Variants in OPTC observed in about 807,000 individuals in gnomAD.
OPTC encodes the protein opticin, also known as oculoglycan.
OPTC carries 22 observed loss-of-function variants against 25.4 expected under a neutral mutation model. The ratio of observed to expected loss-of-function variants is 0.87; its 90% CI spans 0.62 to 1.24. The LOEUF (loss-of-function observed/expected upper bound fraction) is 1.24. Ranked by LOEUF, OPTC falls within the 50% of genes most tolerant of loss-of-function variation. The probability of loss-of-function intolerance (pLI) is 0.00; values close to 1 mark genes in which losing one functional copy is unlikely to be tolerated. For missense variants in OPTC, 417 were observed against 425.2 expected (o/e 0.98, Z 0.17); for synonymous variants, 169 against 179.3 (o/e 0.94, Z 0.46).
intron 7 of OPTC, among the ~76,000 whole-genome samples, chr1:203,504,358 A>G (rs991992328): frequency 6.6e-6 from 1 of 151,986 alleles, no homozygotes; most frequent in Admixed American, 6.6e-5. Flanking sequence ...TGTATGGGGG[A>G]AACTCTAGAT....
At position 203,501,402 on chromosome 1, in the gene OPTC, AG is replaced by A. The variant is rs565088478; in HGVS notation, c.733-1511del. On this transcript the variant is annotated intron_variant, in intron 5 of 7. Coordinates refer to ENST00000367222, the MANE Select transcript of OPTC (RefSeq NM_014359.4). ...AAGCATGAGCCACTGTGCCTGTCCA[AG>A]AGAGACTATTTGATTGGTCATTGGC... 7.2e-5 allele frequency among the ~76,000 whole-genome samples: 11 copies of A among 152,264 alleles called. No homozygotes were observed. The East Asian group carries it at 2.1e-3, about 29-fold the overall frequency.
chr1:203,508,077 T>C (rs1661525400), intron 7 of OPTC, among the ~76,000 whole-genome samples: 1 of 152,224 alleles, frequency 6.6e-6, no homozygotes, highest in African/African-American at 2.4e-5. Flanking sequence ...GGCTAAGTAC[T>C]TTGTCCCAGA....
chr1:203,498,942 T>C (rs1661323463), intron 4 of OPTC, 103 bp downstream of exon 4: 2 of 1,320,364 alleles, frequency 1.5e-6, no homozygotes, highest in South Asian at 2.4e-5. Flanking sequence ...GTGTTAGCTC[T>C]TTCCTGTTGG....
chr1:203,503,747 T>TA lies in OPTC; in HGVS notation c.*25+4dup. ...TCGGAGCCCTTCCACTCCTCCCAGG[T>TA]AAGAACCCTCCAAGGACCATGCAGG... On this transcript the variant is annotated splice_region_variant and intron_variant, in intron 7 of 7. Transcript: ENST00000367222. The TA allele has an allele frequency of 6.3e-7, 1 of 1,598,286 alleles. No individual in the cohort carries two copies. The highest frequency in any genetic ancestry group is 8.5e-7 in the Non-Finnish European group (1 of 1,179,538).
Position 203,496,103 on chromosome 1 carries a change from A to G in OPTC, c.98A>G (p.Gln33Arg). The change falls in exon 2 of 8, where the codon CAG becomes CGG. Residue 33 changes from glutamine (Q) to arginine (R), a missense_variant. Gln to Arg is a conservative substitution (Grantham distance 43, BLOSUM62 1). Coordinates refer to ENST00000367222, the MANE Select transcript of OPTC (RefSeq NM_014359.4). ...PRKERKRREE[Q>R]MPREGDSFEV... ...AAGGAGAGGAAGAGGAGAGAGGAGCAGATGCCCAGGGAAGGCGATTCCTTT... is the reference window on the plus strand; with the variant it reads ...AAGGAGAGGAAGAGGAGAGAGGAGCGGATGCCCAGGGAAGGCGATTCCTTT... 1 of 1,614,130 alleles carries G rather than the reference A, an allele frequency of 6.2e-7. No individual in the cohort carries two copies. Among genetic ancestry groups the G allele is most frequent in the South Asian group, 1.1e-5 (1 of 91,076 alleles).
At position 203,499,952 on chromosome 1, in the gene OPTC, C is replaced by A. The variant is rs563792806; in HGVS notation, c.732+101C>A. The A allele has an allele frequency of 3.2e-6, 3 of 939,200 alleles. No homozygotes were observed. In the African/African-American group the frequency reaches 5.0e-5, roughly 16 times the overall value. 58.2% of individuals were successfully genotyped at this position (939,200 alleles called of 1,614,324 possible). A position where few individuals can be genotyped will look rare whatever the true frequency, so the allele number is the denominator to read the frequency against. On this transcript the variant is annotated intron_variant, in intron 5 of 7. Transcript: ENST00000367222. Reference sequence around the variant, plus strand: ...CTCCACCACTCACCTCCACCACCACCCACCTCCACCTCTACCACCCACCTC... The same window carrying A: ...CTCCACCACTCACCTCCACCACCACACACCTCCACCTCTACCACCCACCTC...
intron 2 of OPTC, 90 bp from the exon 3 acceptor site, chr1:203,496,887 T>G: frequency 3.6e-6 from 5 of 1,388,780 alleles, no homozygotes; most frequent in South Asian, 1.2e-5. Flanking sequence ...TTTGCTGGTT[T>G]GAAATCCATC....
At position 203,503,185 on chromosome 1, in the gene OPTC, C is replaced by T. The variant is rs996680956; in HGVS notation, c.828+176C>T. Among the ~76,000 whole-genome samples the T allele has an allele frequency of 2.0e-5, 3 of 152,162 alleles. No individual in the cohort carries two copies. In the East Asian group the frequency reaches 5.8e-4, roughly 29 times the overall value. ...GTCTTGTCTAAATAGTTGTCCATGACCCCAGTTTGATTTTCTCCATTTTTT... is the reference window on the plus strand; with the variant it reads ...GTCTTGTCTAAATAGTTGTCCATGATCCCAGTTTGATTTTCTCCATTTTTT... On this transcript the variant is annotated intron_variant, in intron 6 of 7. Coordinates refer to ENST00000367222, the MANE Select transcript of OPTC (RefSeq NM_014359.4).
At position 203,503,741 on chromosome 1, in the gene OPTC, C is replaced by G; in HGVS notation, c.*21C>G. 1 of 1,600,660 alleles carries G rather than the reference C, an allele frequency of 6.2e-7. No homozygotes were observed. The highest frequency in any genetic ancestry group is 2.2e-5 in the East Asian group (1 of 44,876). On this transcript the variant is annotated 3_prime_UTR_variant, in exon 7 of 8. Coordinates refer to ENST00000367222, the MANE Select transcript of OPTC (RefSeq NM_014359.4). ...CGTAGCTCGGAGCCCTTCCACTCCT[C>G]CCAGGTAAGAACCCTCCAAGGACCA...
Position 203,496,035 on chromosome 1 carries a change from G to T in OPTC, c.30G>T (p.Leu10=). 6.2e-7 allele frequency: 1 copy of T among 1,613,662 alleles called. No homozygotes were observed. Among genetic ancestry groups the T allele is most frequent in the Non-Finnish European group, 8.5e-7 (1 of 1,179,842 alleles). The change falls in exon 2 of 8, where the codon CTG becomes CTT. Residue 10 remains leucine (L), a synonymous_variant. Coordinates refer to ENST00000367222, the MANE Select transcript of OPTC (RefSeq NM_014359.4). ...GGCTCCTGGCTTTCCTGAGTCTGCT[G>T]GCCTTGGTGCTGCAGGAGACAGGGA... MRLLAFLSL[L]ALVLQETGTA... is the part of the protein sequence containing the mutation.
intron 7 of OPTC, among the ~76,000 whole-genome samples, chr1:203,507,041 C>G (rs1295201883): frequency 6.6e-6 from 1 of 152,218 alleles, no homozygotes; most frequent in African/African-American, 2.4e-5. Flanking sequence ...TTGTCTGTCT[C>G]CCTGAAGAAA....
intron 1 of OPTC, among the ~76,000 whole-genome samples, chr1:203,495,455 G>A (rs1195568467): frequency 6.6e-6 from 1 of 152,166 alleles, no homozygotes; most frequent in Non-Finnish European, 1.5e-5. Flanking sequence ...GGCGGAGGTT[G>A]CAGTGAGCCA....
intron 5 of OPTC, 41 bp downstream of exon 5, chr1:203,499,892 A>G: frequency 6.6e-7 from 1 of 1,519,338 alleles, no homozygotes; most frequent in South Asian, 1.1e-5. Flanking sequence ...CACCTCCACC[A>G]CCCACCTCTA....
intron 1 of OPTC, among the ~76,000 whole-genome samples, chr1:203,495,431 G>T (rs1487025325): frequency 6.6e-6 from 1 of 152,158 alleles, no homozygotes; most frequent in Admixed American, 6.5e-5. Flanking sequence ...CAGGAGATTC[G>T]CTTGAACCCA....
At position 203,497,138 on chromosome 1, in the gene OPTC, G is replaced by A. The variant is rs28462337; in HGVS notation, c.370+23G>A. On this transcript the variant is annotated intron_variant, in intron 3 of 7. Coordinates refer to ENST00000367222, the MANE Select transcript of OPTC (RefSeq NM_014359.4). ...ATGGTAAGTGCACAGTCACATGGTC[G>A]CAATATCCCTAGGTCATAGGCCAAG... 1.7e-3 allele frequency: 2,822 copies of A among 1,613,400 alleles called. 26 individuals carry two copies. The African/African-American group carries it at 0.019, about 11-fold the overall frequency.
Position 203,496,965 on chromosome 1 carries a change from C to G in OPTC, c.232-12C>G. 1 of 1,614,048 alleles carries G rather than the reference C, an allele frequency of 6.2e-7. No homozygotes were observed. Among genetic ancestry groups the G allele is most frequent in the Non-Finnish European group, 8.5e-7 (1 of 1,179,992 alleles). ...AAGCTGGGCTACTGTGTACTCTGTG[C>G]TACATCTCCAGGTTAAGGTGACTAG... On this transcript the variant is annotated splice_polypyrimidine_tract_variant and intron_variant, in intron 2 of 7. Transcript: ENST00000367222.
At chr1:203,495,880 G>A in intron 1 of OPTC, 85 bp from the exon 2 acceptor site, 1 of 711,398 alleles carries the variant, frequency 1.4e-6, no homozygotes, top group Non-Finnish European at 2.5e-6. Context: ...GGGGTGGGAA[G>A]TGGAGTAAAT....
At chr1:203,505,954 G>GTGTT (rs1661476266) in intron 7 of OPTC, among the ~76,000 whole-genome samples, 4 of 150,522 alleles carry the variant, frequency 2.7e-5, no homozygotes, top group South Asian at 4.2e-4. Context: ...CTCTCAGAGT[G>GTGTT]TGTGTGTGTG....
At chr1:203,503,984 T>C (rs1366611425) in intron 7 of OPTC, among the ~76,000 whole-genome samples, 3 of 152,086 alleles carry the variant, frequency 2.0e-5, no homozygotes, top group Non-Finnish European at 4.4e-5. Flanking sequence ...GCTCAGAAAA[T>C]AGCAGTGTCT....
Sources: gnomAD v4.1 joint callset for allele counts (sites outside exome capture counted in the v4.1 genomes callset) on GRCh38, gnomAD v4.1.1 for gene constraint, MANE v1.5 for transcripts, NCBI Gene and HGNC (gene_info 2026-07-23, HGNC 2026-07-21) for gene names.